Variants in ZNF429 observed in about 807,000 individuals in gnomAD.
The protein encoded by ZNF429 is zinc finger protein 429.
A neutral mutation model predicts 56.8 loss-of-function variants in ZNF429; 53 were observed. The ratio of observed to expected loss-of-function variants is 0.93; its 90% CI spans 0.75 to 1.17. The LOEUF (loss-of-function observed/expected upper bound fraction) is 1.17, where lower values mean the gene tolerates loss of function less well. ZNF429 is among the 50% of genes most tolerant of loss of function. The probability of loss-of-function intolerance (pLI) is 0.00; values close to 1 mark genes in which losing one functional copy is unlikely to be tolerated. For synonymous variants in ZNF429, 278 were observed against 264.7 expected, an observed-to-expected ratio of 1.05 and a Z score of -0.49; for missense variants, 849 against 788.4, an observed-to-expected ratio of 1.08 and a Z score of -0.92.
rs2033840725 is a variant in ZNF429, at chr19:21,539,359, A to C, written c.*1281A>C. ...ATAGAAAATAAAACTAAAGTTGTTAAATTATTTGTATATAACTTTTAAAAG... is the reference window on the plus strand; with the variant it reads ...ATAGAAAATAAAACTAAAGTTGTTACATTATTTGTATATAACTTTTAAAAG... On this transcript the variant is annotated 3_prime_UTR_variant, in exon 4 of 4. Coordinates refer to ENST00000358491, the MANE Select transcript of ZNF429 (RefSeq NM_001001415.4). Among the ~76,000 whole-genome samples the C allele has an allele frequency of 6.6e-6, 1 of 152,088 alleles. No homozygotes were observed. The highest frequency in any genetic ancestry group is 1.5e-5 in the Non-Finnish European group (1 of 68,028).
intron 1 of ZNF429, among the ~76,000 whole-genome samples, chr19:21,527,077 A>C (rs1273180637): frequency 6.6e-6 from 1 of 152,162 alleles, no homozygotes; most frequent in Non-Finnish European, 1.5e-5. Flanking sequence ...TTTGTATCAG[A>C]ACTTTTTGTG....
chr19:21,514,683 C>T (rs375055166), intron 1 of ZNF429, among the ~76,000 whole-genome samples: 8 of 151,998 alleles, frequency 5.3e-5, no homozygotes, highest in African/African-American at 1.9e-4. Flanking sequence ...CTGCAACCTC[C>T]ACCTCCCAGA....
At position 21,535,465 on chromosome 19, in the gene ZNF429, TTTCTTTC is replaced by T; in HGVS notation, c.227-812_227-806del. On this transcript the variant is annotated intron_variant, in intron 3 of 3. Coordinates refer to ENST00000358491, the MANE Select transcript of ZNF429 (RefSeq NM_001001415.4). ...CTTTCTTTCTTTCTTTCTTTCTTTC[TTTCTTTC>T]TTTCTTTCTTTCTTTCTTTCTTTCT... 1.2e-4 allele frequency among the ~76,000 whole-genome samples: 12 copies of T among 98,616 alleles called. 1 individual carries two copies. Among genetic ancestry groups the T allele is most frequent in the African/African-American group, 2.7e-4 (6 of 22,324 alleles). The allele number at this position is 98,616 out of a possible 152,430, so 64.7% of individuals were successfully genotyped here.
intron 1 of ZNF429, among the ~76,000 whole-genome samples, chr19:21,506,761 T>TTTTG (rs2032184289): frequency 8.5e-6 from 1 of 118,222 alleles, no homozygotes; most frequent in Admixed American, 8.5e-5. Flanking sequence ...TTTGAGTTAG[T>TTTTG]TTTTTGTTTT....
intron 2 of ZNF429, among the ~76,000 whole-genome samples, 163 bp from the exon 3 acceptor site, chr19:21,530,426 A>T: frequency 1.3e-5 from 2 of 152,164 alleles, no homozygotes; most frequent in African/African-American, 2.4e-5. Flanking sequence ...AGAACCTAAA[A>T]ATTTTAAATA....
chr19:21,529,490 T>G (rs1420862301), intron 1 of ZNF429, 168 bp from the exon 2 acceptor site: 1 of 950,938 alleles, frequency 1.1e-6, no homozygotes, highest in African/African-American at 1.8e-5. Flanking sequence ...AACATTTCTG[T>G]TTATAAATTA....
At chr19:21,516,516 G>T (rs1439712949) in intron 1 of ZNF429, among the ~76,000 whole-genome samples, 1 of 152,140 alleles carries the variant, frequency 6.6e-6, no homozygotes, top group Non-Finnish European at 1.5e-5. Context: ...CATTATTTCT[G>T]TATATTTCTT....
intron 2 of ZNF429, 66 bp from the exon 3 acceptor site, chr19:21,530,523 C>A: frequency 9.0e-7 from 1 of 1,109,496 alleles, no homozygotes; most frequent in Non-Finnish European, 1.3e-6. Context: ...CTTTACTGAG[C>A]ACATTACTAA....
In ZNF429 at chr19:21,539,320, C is replaced by T. The variant is rs971577092; in HGVS notation, c.*1242C>T. ...AGACACAAACACTTGAGACATTACA[C>T]TAAAGTGCTGAGTATAGAAAATAAA... On this transcript the variant is annotated 3_prime_UTR_variant, in exon 4 of 4. Coordinates refer to ENST00000358491, the MANE Select transcript of ZNF429 (RefSeq NM_001001415.4). 1.3e-5 allele frequency among the ~76,000 whole-genome samples: 2 copies of T among 151,960 alleles called. No individual in the cohort carries two copies. The highest frequency in any genetic ancestry group is 4.8e-5 in the African/African-American group (2 of 41,308).
At chr19:21,512,706 G>C (rs2032558564) in intron 1 of ZNF429, among the ~76,000 whole-genome samples, 1 of 148,496 alleles carries the variant, frequency 6.7e-6, no homozygotes, top group Non-Finnish European at 1.5e-5. Context: ...TGCCTTAACT[G>C]TTTGGGAATG....
At chr19:21,525,684 C>A (rs1200571774) in intron 1 of ZNF429, among the ~76,000 whole-genome samples, 1 of 115,146 alleles carries the variant, frequency 8.7e-6, no homozygotes, top group Non-Finnish European at 2.0e-5. Context: ...TTCCATTTAG[C>A]AACTTGTTTT....
chr19:21,533,620 G>A, intron 3 of ZNF429, among the ~76,000 whole-genome samples: 1 of 147,980 alleles, frequency 6.8e-6, no homozygotes, highest in Admixed American at 6.7e-5. Context: ...TTTTGTATAT[G>A]GTTCAAGGAA....
intron 1 of ZNF429, among the ~76,000 whole-genome samples, chr19:21,511,346 C>T (rs1227189501): frequency 6.6e-6 from 1 of 152,016 alleles, no homozygotes; most frequent in Non-Finnish European, 1.5e-5. Flanking sequence ...CGGAGGGTCT[C>T]CTCACTTCTC....
rs2033761865 is a variant in ZNF429, at chr19:21,537,687, C to T, written c.1634C>T (p.Ala545Val). The T allele has an allele frequency of 6.2e-7, 1 of 1,613,688 alleles. No individual in the cohort carries two copies. The highest frequency in any genetic ancestry group is 1.1e-5 in the South Asian group (1 of 91,066). Residue 545 changes from alanine (A) to valine (V), a missense_variant, in exon 4 of 4, where the codon GCT (alanine) becomes GTT (valine). Physicochemically the swap from Ala to Val is moderately conservative, Grantham distance 64. Transcript: ENST00000358491. ...TACAAATGTGAAGAATGTGGCAAAG[C>T]TTTTAACCGGTCCTCAAGACTTACT... Reference protein sequence around the residue: ...KPYKCEECGKAFNRSSRLTQH... With the variant: ...KPYKCEECGKVFNRSSRLTQH...
At chr19:21,512,222 A>G (rs533005062) in intron 1 of ZNF429, among the ~76,000 whole-genome samples, 23 of 152,146 alleles carry the variant, frequency 1.5e-4, no homozygotes, top group Non-Finnish European at 3.2e-4. Context: ...CTGTTATGGC[A>G]CTGATGGGAG....
In ZNF429 at chr19:21,539,592, T is replaced by G. The variant is rs564119797; in HGVS notation, c.*1514T>G. 1.3e-5 allele frequency among the ~76,000 whole-genome samples: 2 copies of G among 151,498 alleles called. No homozygotes were observed. The highest frequency in any genetic ancestry group is 1.3e-4 in the Admixed American group (2 of 15,148). ...ATACACCAGCATGTCTGGCTATTTTTTTTTTTTTTTGTATTTTTAGTAGAG... is the reference window on the plus strand; with the variant it reads ...ATACACCAGCATGTCTGGCTATTTTGTTTTTTTTTTGTATTTTTAGTAGAG... On this transcript the variant is annotated 3_prime_UTR_variant, in exon 4 of 4. Transcript: ENST00000358491.
At chr19:21,520,009 C>T (rs2032931720) in intron 1 of ZNF429, among the ~76,000 whole-genome samples, 1 of 152,022 alleles carries the variant, frequency 6.6e-6, no homozygotes, top group African/African-American at 2.4e-5. Context: ...GCACCTGCCA[C>T]CATGTTTGGC....
intron 3 of ZNF429, among the ~76,000 whole-genome samples, chr19:21,533,960 G>A: frequency 6.6e-6 from 1 of 152,198 alleles, no homozygotes; most frequent in East Asian, 1.9e-4. Flanking sequence ...ATATACAGAA[G>A]GGTATATTTC....
In ZNF429 at chr19:21,537,871, A is replaced by T. The variant is rs1408465522; in HGVS notation, c.1818A>T (p.Ser606=). Residue 606 remains serine, a synonymous_variant, in exon 4 of 4, where the codon TCA becomes TCT. Transcript: ENST00000358491. ...EECGKAFNRS[S]RLTQHKKIHT... is the part of the protein sequence containing the mutation. ...GTGGCAAAGCTTTTAATCGGTCCTC[A>T]AGACTTACTCAACATAAGAAAATTC... The T allele has an allele frequency of 1.2e-6, 2 of 1,613,944 alleles. No homozygotes were observed. The highest frequency in any genetic ancestry group is 2.7e-5 in the African/African-American group (2 of 74,918).
Sources: gnomAD v4.1 joint callset for allele counts (sites outside exome capture counted in the v4.1 genomes callset) on GRCh38, gnomAD v4.1.1 for gene constraint, MANE v1.5 for transcripts, NCBI Gene and HGNC (gene_info 2026-07-23, HGNC 2026-07-21) for gene names.